PDE4D: variants seen among roughly 807,000 people sequenced by gnomAD.
PDE4D encodes phosphodiesterase 4D.
PDE4D carries 24 observed loss-of-function variants against 87.4 expected under a neutral mutation model. The ratio of observed to expected loss-of-function variants is 0.27; its 90% CI spans 0.20 to 0.39. PDE4D has a LOEUF of 0.39. Among genes scored for constraint, PDE4D ranks in the 10% least tolerant of loss-of-function variants. The pLI, the probability that PDE4D is intolerant of heterozygous loss-of-function variation, is 1.00. For missense variants in PDE4D, 714 were observed against 1,041.0 expected (o/e 0.69, Z 4.32); for synonymous variants, 384 against 383.2 (o/e 1.00, Z -0.02).
At chr5:59,279,244 A>G (rs959647955) in intron 1 of PDE4D, among the ~76,000 whole-genome samples, 1 of 152,120 alleles carries the variant, frequency 6.6e-6, no homozygotes, top group African/African-American at 2.4e-5. Context: ...CTAACTTTTT[A>G]GAAAAAAAGA....
chr5:59,618,470 C>T (rs905193549), intron 1 of PDE4D, among the ~76,000 whole-genome samples: 2 of 152,102 alleles, frequency 1.3e-5, no homozygotes, highest in South Asian at 2.1e-4. Flanking sequence ...GAACAGGCGT[C>T]GGGTTCTGAT....
At chr5:59,318,346 C>T (rs531872541) in intron 1 of PDE4D, among the ~76,000 whole-genome samples, 15 of 152,176 alleles carry the variant, frequency 9.9e-5, no homozygotes, top group African/African-American at 2.6e-4. Context: ...AAAGAGCTTG[C>T]TTAGGTCACA....
At chr5:59,118,555 A>G (rs1773985101) in intron 5 of PDE4D, among the ~76,000 whole-genome samples, 1 of 152,356 alleles carries the variant, frequency 6.6e-6, no homozygotes, top group Admixed American at 6.5e-5. Context: ...AATAGGCCTC[A>G]TGGACTTTAT....
intron 1 of PDE4D, among the ~76,000 whole-genome samples, chr5:60,259,471 C>T (rs1749423942): frequency 6.6e-6 from 1 of 151,930 alleles, no homozygotes; most frequent in Non-Finnish European, 1.5e-5. Context: ...CAGTAAGAAC[C>T]ACCTGCAAAG....
At chr5:59,172,860 T>A (rs779221295) in intron 5 of PDE4D, 15 of 152,086 alleles carry the variant, frequency 9.9e-5, no homozygotes, top group Non-Finnish European at 1.9e-4. Context: ...GCATGCCATA[T>A]ATAAGGTGCA....
intron 11 of PDE4D, among the ~76,000 whole-genome samples, chr5:58,984,736 T>C (rs188965728): frequency 1.3e-5 from 2 of 152,330 alleles, no homozygotes; most frequent in East Asian, 3.9e-4. Flanking sequence ...TAAATCTTTC[T>C]GCCCCAAACT....
At chr5:59,225,695 A>G (rs1387547702) in intron 1 of PDE4D, among the ~76,000 whole-genome samples, 1 of 152,164 alleles carries the variant, frequency 6.6e-6, no homozygotes, top group African/African-American at 2.4e-5. Flanking sequence ...GAGAAAACAC[A>G]GTGAAAATAC....
intron 5 of PDE4D, among the ~76,000 whole-genome samples, chr5:59,076,251 A>AGTTTTTTATCT (rs2153420968): frequency 6.6e-6 from 1 of 152,296 alleles, no homozygotes; most frequent in East Asian, 1.9e-4. Flanking sequence ...ATGTAAGAGG[A>AGTTTTTTATCT]GCTCCTTGGC....
chr5:59,220,534 G>T (rs1401449813), intron 1 of PDE4D, among the ~76,000 whole-genome samples: 4 of 152,002 alleles, frequency 2.6e-5, no homozygotes, highest in African/African-American at 9.7e-5. Context: ...GAGTAGGGAG[G>T]TTAGTTGTGG....
chr5:59,046,150 C>T (rs934801553), intron 5 of PDE4D, among the ~76,000 whole-genome samples: 8 of 152,084 alleles, frequency 5.3e-5, no homozygotes, highest in Admixed American at 2.0e-4. Flanking sequence ...TTAAAATGTT[C>T]GATAAAGCTA....
intron 1 of PDE4D, among the ~76,000 whole-genome samples, chr5:59,805,011 T>C (rs1446032778): frequency 6.6e-6 from 1 of 152,166 alleles, no homozygotes; most frequent in Non-Finnish European, 1.5e-5. Flanking sequence ...CAGGCTGATC[T>C]CAAATTCCTG....
chr5:60,069,117 T>C (rs1378880930), intron 2 of PDE4D, among the ~76,000 whole-genome samples: 4 of 152,194 alleles, frequency 2.6e-5, no homozygotes, highest in South Asian at 2.1e-4. Flanking sequence ...AATCTCTATG[T>C]GTATTCTTGA....
intron 2 of PDE4D, among the ~76,000 whole-genome samples, chr5:60,128,274 C>T (rs1047747450): frequency 6.6e-6 from 1 of 152,182 alleles, no homozygotes; most frequent in Admixed American, 6.5e-5. Context: ...GGATGCAACA[C>T]ATTTGTTTTA....
At chr5:59,875,132 T>C (rs1426436640) in intron 1 of PDE4D, among the ~76,000 whole-genome samples, 1 of 152,168 alleles carries the variant, frequency 6.6e-6, no homozygotes, top group African/African-American at 2.4e-5. Flanking sequence ...AGATAAACTG[T>C]CCTTTGTTCA....
At chr5:60,077,879 C>T (rs1773488158) in intron 2 of PDE4D, among the ~76,000 whole-genome samples, 1 of 152,148 alleles carries the variant, frequency 6.6e-6, no homozygotes, top group Non-Finnish European at 1.5e-5. Context: ...TCAATTCACC[C>T]CATCCCCAGG....
intron 1 of PDE4D, among the ~76,000 whole-genome samples, chr5:59,377,330 C>T (rs764572558): frequency 6.6e-5 from 10 of 151,346 alleles, no homozygotes; most frequent in East Asian, 3.9e-4. Flanking sequence ...GGTAGGAGAA[C>T]GGCGTGAACC....
intron 5 of PDE4D, among the ~76,000 whole-genome samples, chr5:59,103,419 T>C (rs935522816): frequency 4.6e-5 from 7 of 152,048 alleles, no homozygotes; most frequent in African/African-American, 1.7e-4. Context: ...GTGACTTGTT[T>C]GGCCCACACA....
chr5:60,089,679 AAAT>A (rs1353980537), intron 2 of PDE4D, among the ~76,000 whole-genome samples: 2 of 152,060 alleles, frequency 1.3e-5, no homozygotes, highest in East Asian at 3.9e-4. Flanking sequence ...AGAAGGAAAG[AAAT>A]AATAAAGATC....
intron 5 of PDE4D, among the ~76,000 whole-genome samples, chr5:59,088,216 C>A (rs1015510414): frequency 1.3e-5 from 2 of 152,100 alleles, no homozygotes; most frequent in African/African-American, 4.8e-5. Flanking sequence ...ATCATCCTTG[C>A]CTCCAAAAAA....
Sources: gnomAD v4.1 joint callset for allele counts (sites outside exome capture counted in the v4.1 genomes callset) on GRCh38, gnomAD v4.1.1 for gene constraint, MANE v1.5 for transcripts, NCBI Gene and HGNC (gene_info 2026-07-23, HGNC 2026-07-21) for gene names.